ELFN2: variants seen among roughly 807,000 people sequenced by gnomAD.
ELFN2 encodes the protein extracellular leucine rich repeat and fibronectin type III domain containing 2.
ELFN2 carries 17 observed loss-of-function variants against 45.5 expected under a neutral mutation model. That is an observed-to-expected ratio of 0.37 (90% CI 0.26 to 0.56). The LOEUF (loss-of-function observed/expected upper bound fraction) is 0.56, where lower values mean the gene tolerates loss of function less well. Ranked by LOEUF, ELFN2 falls within the 20% of genes least tolerant of loss-of-function variation. The pLI is 0.77. For missense variants in ELFN2, 922 were observed against 1,183.2 expected (o/e 0.78, Z 3.24); for synonymous variants, 550 against 551.5 (o/e 1.00, Z 0.04).
intron 2 of ELFN2, among the ~76,000 whole-genome samples, chr22:37,401,101 C>T (rs566707790): frequency 1.3e-4 from 20 of 152,278 alleles, no homozygotes; most frequent in African/African-American, 2.2e-4. Context: ...GCGGAACATG[C>T]GGGGGCCGTG....
At chr22:37,425,953 C>T (rs983421020) in intron 1 of ELFN2, among the ~76,000 whole-genome samples, 1 of 151,672 alleles carries the variant, frequency 6.6e-6, no homozygotes, top group Non-Finnish European at 1.5e-5. Context: ...TCGGTAACCG[C>T]GCCGGGCAGT....
intron 2 of ELFN2, among the ~76,000 whole-genome samples, chr22:37,384,553 C>A (rs1931884269): frequency 7.4e-6 from 1 of 135,394 alleles, no homozygotes; most frequent in African/African-American, 2.8e-5. Context: ...CACCTCCCCA[C>A]CCCCCACGAC....
chr22:37,385,287 C>T (rs1403460210), intron 2 of ELFN2: 1 of 152,266 alleles, frequency 6.6e-6, no homozygotes, highest in Non-Finnish European at 1.5e-5. Context: ...TATCACTATT[C>T]CCACTTTGCA....
intron 1 of ELFN2, among the ~76,000 whole-genome samples, chr22:37,344,602 A>C (rs1930651408): frequency 6.6e-6 from 1 of 151,984 alleles, no homozygotes; most frequent in Non-Finnish European, 1.5e-5. Flanking sequence ...GGTGCCTCTG[A>C]TGTGGCAGGA....
At chr22:37,376,227 G>A (rs1931582840) in intron 2 of ELFN2, among the ~76,000 whole-genome samples, 1 of 152,126 alleles carries the variant, frequency 6.6e-6, no homozygotes, top group Non-Finnish European at 1.5e-5. Flanking sequence ...AATAGGGGGA[G>A]TAGGGGCAGA....
In ELFN2 at chr22:37,378,153, G is replaced by A. The variant is rs148230139; in HGVS notation, c.-462-2157C>T. On this transcript the variant is annotated intron_variant, in intron 2 of 2. Transcript: ENST00000402918. ...TGACGTGTACAAGTCAAGGATGGGCGGGCAGGCGCGTGTGCACACGTCCTC... is the reference window on the plus strand; with the variant it reads ...TGACGTGTACAAGTCAAGGATGGGCAGGCAGGCGCGTGTGCACACGTCCTC... Among the ~76,000 whole-genome samples, 543 of 152,350 alleles carry A rather than the reference G, an allele frequency of 3.6e-3. 2 individuals carry two copies. The highest frequency in any genetic ancestry group is 0.013 in the African/African-American group (521 of 41,578).
downstream of ELFN2, among the ~76,000 whole-genome samples, chr22:37,366,108 G>A (rs1931200669): frequency 6.6e-6 from 1 of 152,204 alleles, no homozygotes; most frequent in African/African-American, 2.4e-5. Context: ...AGAAAGGGAA[G>A]CAGATACGCG....
Position 37,417,976 on chromosome 22 carries a change from G to C in ELFN2, c.-613-57C>G, listed in dbSNP as rs1932779279. On this transcript the variant is annotated intron_variant, in intron 1 of 2. Coordinates refer to ENST00000402918, the MANE Select transcript of ELFN2 (RefSeq NM_052906.5). The surrounding 1 kb of genome is among the most constrained non-coding windows in gnomAD (Gnocchi z 4.5). ...GAGGGAGAGAAGGGGAGGAGAGGGA[G>C]GGGGGACAGCAGGAGGGAGGGAGGA... is the stretch of plus-strand genomic sequence containing the variant. The C allele has an allele frequency of 6.6e-6, 1 of 152,268 alleles. No homozygotes were observed. The highest frequency in any genetic ancestry group is 1.5e-5 in the Non-Finnish European group (1 of 68,112). 9.4% of individuals were successfully genotyped at this position (152,268 alleles called of 1,614,324 possible).
At chr22:37,400,567 A>G (rs1463444506) in intron 2 of ELFN2, among the ~76,000 whole-genome samples, 1 of 152,190 alleles carries the variant, frequency 6.6e-6, no homozygotes, top group African/African-American at 2.4e-5. Flanking sequence ...GACAGATGGG[A>G]GCCTGAGGCC....
rs545630826 is a variant in ELFN2, at chr22:37,410,390, C to G, written c.-463+7379G>C. On this transcript the variant is annotated intron_variant, in intron 2 of 2. Transcript: ENST00000402918. ...TCACTGCGGTGTGGCCCCGAGCCAGCGCCTCACCTCTCTGGGCTGCAGCCT... is the reference window on the plus strand; with the variant it reads ...TCACTGCGGTGTGGCCCCGAGCCAGGGCCTCACCTCTCTGGGCTGCAGCCT... 1.1e-4 allele frequency among the ~76,000 whole-genome samples: 16 copies of G among 152,284 alleles called. No individual in the cohort carries two copies. In the South Asian group the frequency reaches 3.3e-3, roughly 32 times the overall value.
chr22:37,341,628 T>G (rs1203192984), intron 2 of ELFN2, among the ~76,000 whole-genome samples: 1 of 152,220 alleles, frequency 6.6e-6, no homozygotes, highest in African/African-American at 2.4e-5. Context: ...CAGCCCCATC[T>G]CAGAGAAATC....
chr22:37,378,607 C>T (rs1231691430), intron 2 of ELFN2, among the ~76,000 whole-genome samples: 2 of 152,242 alleles, frequency 1.3e-5, no homozygotes, highest in East Asian at 1.9e-4. Flanking sequence ...CCACCTGAAC[C>T]TCAAGGTGAC....
chr22:37,376,126 TG>T (rs136056), intron 2 of ELFN2, 130 bp from the exon 3 acceptor site: 152,528 of 152,528 alleles, frequency 1, 76,264 homozygotes, highest in Non-Finnish European at 1. Flanking sequence ...GCAAGCACTC[TG>T]GGGGTCCCTG....
rs762624405 is a variant in ELFN2 at position 37,373,557 on chromosome 22, C to T, written c.1978G>A (p.Asp660Asn). The change falls in exon 3 of 3, where the codon GAC (aspartate) becomes AAC (asparagine). Residue 660 changes from aspartate (D) to asparagine (N), a missense_variant. Around this residue, in one of 2 missense-constraint regions of ELFN2, gnomAD observed 564 missense variants for 642.8 expected, o/e 0.88. Transcript: ENST00000402918. ...CTGCCCTTCTCGATGTACTTGGAGT[C>T]GCCCTTAGCCAGCCCTGTGGCGGCC... ...HPAATGLAKG[D>N]SKYIEKGSPL... 2.0e-5 allele frequency: 32 copies of T among 1,599,606 alleles called. No individual in the cohort carries two copies. Among genetic ancestry groups the T allele is most frequent in the Non-Finnish European group, 2.6e-5 (30 of 1,174,658 alleles).
intron 1 of ELFN2, among the ~76,000 whole-genome samples, chr22:37,424,680 C>G (rs115882497): frequency 6.8e-6 from 1 of 146,244 alleles, no homozygotes; most frequent in African/African-American, 2.5e-5. Context: ...CTGAGGGCGG[C>G]GGGGGGGGGG....
chr22:37,349,391 C>T (rs1466068189), intron 1 of ELFN2, among the ~76,000 whole-genome samples: 1 of 151,212 alleles, frequency 6.6e-6, no homozygotes, highest in African/African-American at 2.4e-5. Flanking sequence ...ATTCCCTGCA[C>T]CTGCCCCAGT....
downstream of ELFN2, among the ~76,000 whole-genome samples, chr22:37,364,308 C>G (rs1240707712): frequency 6.6e-6 from 1 of 152,174 alleles, no homozygotes; most frequent in Non-Finnish European, 1.5e-5. Flanking sequence ...CAGGGCCAGG[C>G]ACAGGGCCAC....
At chr22:37,358,902 G>T (rs180828189) in intron 1 of ELFN2, among the ~76,000 whole-genome samples, 16 of 152,250 alleles carry the variant, frequency 1.1e-4, no homozygotes, top group Non-Finnish European at 1.9e-4. Flanking sequence ...GTGGAGACTA[G>T]CTCCAAAAAA....
intron 2 of ELFN2, among the ~76,000 whole-genome samples, chr22:37,387,960 C>T (rs1158469698): frequency 6.6e-6 from 1 of 151,990 alleles, no homozygotes; most frequent in Admixed American, 6.6e-5. Context: ...CCCCTTCCCC[C>T]TCCTCCCCTG....
Sources: gnomAD v4.1 joint callset for allele counts (sites outside exome capture counted in the v4.1 genomes callset) on GRCh38, gnomAD v4.1.1 for gene constraint, gnomAD v4.1.1 regional missense constraint, Gnocchi (gnomAD v3.1) non-coding constraint, MANE v1.5 for transcripts, NCBI Gene and HGNC (gene_info 2026-07-23, HGNC 2026-07-21) for gene names.